The following DOT1L variants were observed in gnomAD, a reference collection of about 807,000 sequenced individuals.
DOT1L encodes DOT1 like histone lysine methyltransferase, also known as histone-lysine N-methyltransferase, H3 lysine-79 specific.
DOT1L carries 33 observed loss-of-function variants against 153.3 expected under a neutral mutation model. The ratio of observed to expected loss-of-function variants is 0.22; its 90% CI spans 0.16 to 0.29. The LOEUF (loss-of-function observed/expected upper bound fraction) is 0.29, where lower values mean the gene tolerates loss of function less well. DOT1L is among the 10% of genes least tolerant of loss of function. DOT1L has a pLI of 1.00. For synonymous variants in DOT1L, 1,135 were observed against 965.1 expected, an observed-to-expected ratio of 1.18 and a Z score of -3.26; for missense variants, 1,847 against 2,119.9, an observed-to-expected ratio of 0.87 and a Z score of 2.53.
At chr19:2,199,972 G>A in intron 8 of DOT1L, 33 bp downstream of exon 8, 1 of 1,610,112 alleles carries the variant, frequency 6.2e-7, no homozygotes, top group East Asian at 2.2e-5. Context: ...AGGGCATGTG[G>A]GGTGTGCGCT....
rs2022903215 is a variant in DOT1L at position 2,193,921 on chromosome 19, G to A, written c.588+138G>A. The A allele has an allele frequency of 1.1e-6, 1 of 881,616 alleles. No homozygotes were observed. Among genetic ancestry groups the A allele is most frequent in the African/African-American group, 1.7e-5 (1 of 60,018 alleles). 54.6% of individuals were successfully genotyped at this position (881,616 alleles called of 1,614,324 possible). A position where few individuals can be genotyped will look rare whatever the true frequency, so the allele number is the denominator to read the frequency against. ...TTTCCAGGCCCAAGACGTCTTGGTT[G>A]CCTGCAGCGTGTGCCTGTGAATAGG... is the stretch of plus-strand genomic sequence containing the variant. On this transcript the variant is annotated intron_variant, in intron 6 of 27. Coordinates refer to ENST00000398665, the MANE Select transcript of DOT1L (RefSeq NM_032482.3). The surrounding 1 kb of genome is among the most constrained non-coding windows in gnomAD (Gnocchi z 5.9).
intron 7 of DOT1L, among the ~76,000 whole-genome samples, chr19:2,196,051 C>T (rs2023005182): frequency 6.6e-6 from 1 of 152,274 alleles, no homozygotes; most frequent in South Asian, 2.1e-4. Context: ...GGCCTGTCAG[C>T]CAGGGCCTTC....
chr19:2,205,719 G>A (rs2023466650), intron 9 of DOT1L, among the ~76,000 whole-genome samples: 1 of 151,886 alleles, frequency 6.6e-6, no homozygotes, highest in Non-Finnish European at 1.5e-5. Context: ...TTTGAGACAG[G>A]GTCTTCATCC....
Position 2,230,613 on chromosome 19 carries a change from C to G in DOT1L, c.*821C>G, listed in dbSNP as rs1381841383. 4 of 398,496 alleles carry G rather than the reference C, an allele frequency of 1.0e-5. No individual in the cohort carries two copies. The highest frequency in any genetic ancestry group is 2.1e-5 in the African/African-American group (1 of 48,628). The allele number at this position is 398,496 out of a possible 1,614,324, so 24.7% of individuals were successfully genotyped here. On this transcript the variant is annotated 3_prime_UTR_variant, in exon 28 of 28. Coordinates refer to ENST00000398665, the MANE Select transcript of DOT1L (RefSeq NM_032482.3). ...GCCTGTCGTGGGTCCCTTGGTGTTTCTGTACAGGAGAGAGTCACACTAATG... is the reference window on the plus strand; with the variant it reads ...GCCTGTCGTGGGTCCCTTGGTGTTTGTGTACAGGAGAGAGTCACACTAATG...
Position 2,208,838 on chromosome 19 carries a change from G to T in DOT1L, c.964-97G>T. On this transcript the variant is annotated intron_variant, in intron 11 of 27. Coordinates refer to ENST00000398665, the MANE Select transcript of DOT1L (RefSeq NM_032482.3). The surrounding 1 kb of genome is among the most constrained non-coding windows in gnomAD (Gnocchi z 4.4). The stretch of plus-strand genomic sequence containing the variant: ...CCCAGATACCAGAACAGCCTCCCCA[G>T]CCACTGTCCAGGTTGCTGTTGTTAC... 3 of 1,285,616 alleles carry T rather than the reference G, an allele frequency of 2.3e-6. No homozygotes were observed. Among genetic ancestry groups the T allele is most frequent in the Non-Finnish European group, 3.3e-6 (3 of 912,718 alleles). 79.6% of individuals were successfully genotyped at this position (1,285,616 alleles called of 1,614,324 possible). A position where few individuals can be genotyped will look rare whatever the true frequency, so the allele number is the denominator to read the frequency against.
Position 2,232,529 on chromosome 19 carries a change from C to T in DOT1L, c.*2737C>T, listed in dbSNP as rs1042932. 53 of 217,954 alleles carry T rather than the reference C, an allele frequency of 2.4e-4. No homozygotes were observed. Among genetic ancestry groups the T allele is most frequent in the Middle Eastern group, 1.4e-3 (1 of 708 alleles). The allele number at this position is 217,954 out of a possible 1,614,324, so 13.5% of individuals were successfully genotyped here. A position where few individuals can be genotyped will look rare whatever the true frequency, so the allele number is the denominator to read the frequency against. Reference sequence around the variant, plus strand: ...CCCTTCCTCTGGGCACCCCTGCATTCTGCATCCCCACCTCTAGACGCTGTA... The same window carrying T: ...CCCTTCCTCTGGGCACCCCTGCATTTTGCATCCCCACCTCTAGACGCTGTA... On this transcript the variant is annotated 3_prime_UTR_variant, in exon 28 of 28. Transcript: ENST00000398665.
At chr19:2,212,163 G>C (rs959252568) in intron 16 of DOT1L, 2 of 252,760 alleles carry the variant, frequency 7.9e-6, no homozygotes, top group African/African-American at 2.3e-5. Flanking sequence ...GCTGAGTACT[G>C]TGAGGTCACA....
chr19:2,215,303 C>T (rs1341868426), intron 19 of DOT1L, among the ~76,000 whole-genome samples: 7 of 152,194 alleles, frequency 4.6e-5, no homozygotes, highest in African/African-American at 1.2e-4. Context: ...CACCGAGAAA[C>T]GCATTCGTGG....
intron 1 of DOT1L, among the ~76,000 whole-genome samples, chr19:2,180,210 C>CT (rs2022163606): frequency 6.6e-6 from 1 of 152,176 alleles, no homozygotes; most frequent in African/African-American, 2.4e-5. Context: ...CGTGGAGGCT[C>CT]TATCACCTGC....
chr19:2,215,279 C>T (rs1253922205), intron 19 of DOT1L, among the ~76,000 whole-genome samples: 1 of 152,086 alleles, frequency 6.6e-6, no homozygotes, highest in Non-Finnish European at 1.5e-5. Context: ...AATAAAATAG[C>T]TTGTACTTTC....
chr19:2,226,208 C>T lies in DOT1L; in HGVS notation c.3687C>T (p.Pro1229=), dbSNP rs370280861. The T allele has an allele frequency of 5.9e-6, 9 of 1,523,414 alleles. No individual in the cohort carries two copies. The highest frequency in any genetic ancestry group is 1.7e-4 in the Middle Eastern group (1 of 5,734). 94.4% of individuals were successfully genotyped at this position (1,523,414 alleles called of 1,614,324 possible). The change falls in exon 27 of 28, where the codon CCC becomes CCT. Residue 1229 remains proline (P), a synonymous_variant. Transcript: ENST00000398665. ...ENGGGLAGRK[P]APAGEPVNSS... ...GTGGTGGCTTGGCGGGAAGGAAGCC[C>T]GCGCCCGCCGGCGAGCCAGTCAATA...
intron 16 of DOT1L, 193 bp downstream of exon 16, chr19:2,212,035 G>A (rs996869422): frequency 2.3e-5 from 13 of 577,308 alleles, no homozygotes; most frequent in Middle Eastern, 4.5e-4. Context: ...GGAAAACAGC[G>A]AAAATGAGAC....
intron 22 of DOT1L, among the ~76,000 whole-genome samples, chr19:2,219,116 C>T (rs1323072630): frequency 6.6e-6 from 1 of 152,208 alleles, no homozygotes; most frequent in African/African-American, 2.4e-5. Context: ...AGGTGATCTG[C>T]CCACCTCAGC....
chr19:2,221,791 C>A, intron 23 of DOT1L, 185 bp from the exon 24 acceptor site: 1 of 638,262 alleles, frequency 1.6e-6, no homozygotes, highest in East Asian at 2.7e-5. Flanking sequence ...CAGCCCTGAG[C>A]CTTGAGCTTG....
intron 27 of DOT1L, chr19:2,227,917 C>T (rs1231667609): frequency 6.6e-6 from 8 of 1,209,966 alleles, no homozygotes; most frequent in African/African-American, 3.3e-5. Context: ...CCTCCGCCTC[C>T]GCCTCCGCCT....
In DOT1L at chr19:2,189,768, C is replaced by T. The variant is rs1231272654; in HGVS notation, c.237C>T (p.Asn79=). ...TGCAGAGGCTCTGCGACAAGTACAA[C>T]CGTGCCATCGACAGCATCCACCAGC... ...ESMQRLCDKY[N]RAIDSIHQLW... The change falls in exon 4 of 28, where the codon AAC becomes AAT. Residue 79 remains asparagine (N), a synonymous_variant. Coordinates refer to ENST00000398665, the MANE Select transcript of DOT1L (RefSeq NM_032482.3). The T allele has an allele frequency of 6.2e-7, 1 of 1,612,124 alleles. No individual in the cohort carries two copies. Among genetic ancestry groups the T allele is most frequent in the South Asian group, 1.1e-5 (1 of 91,086 alleles).
At chr19:2,194,733 C>A (rs574142360) in intron 7 of DOT1L, among the ~76,000 whole-genome samples, 156 bp downstream of exon 7, 1 of 151,766 alleles carries the variant, frequency 6.6e-6, no homozygotes, top group East Asian at 1.9e-4. Flanking sequence ...GCTGCCTGGG[C>A]GTGGCGTCTG....
rs111741571 is a variant in DOT1L at position 2,214,188 on chromosome 19, C to A, written c.1797+202C>A. Reference sequence around the variant, plus strand: ...GCCCCTCGGCTGGATGGTTTCTCAGCGGCCCTGGGTGTCATGGAGCCACAC... The same window carrying A: ...GCCCCTCGGCTGGATGGTTTCTCAGAGGCCCTGGGTGTCATGGAGCCACAC... On this transcript the variant is annotated intron_variant, in intron 18 of 27. Transcript: ENST00000398665. 251 of 978,042 alleles carry A rather than the reference C, an allele frequency of 2.6e-4. 3 individuals carry two copies. In the South Asian group the frequency reaches 3.3e-3, roughly 13 times the overall value. The allele number at this position is 978,042 out of a possible 1,614,324, so 60.6% of individuals were successfully genotyped here.
chr19:2,222,374 G>C lies in DOT1L; in HGVS notation c.3205G>C (p.Ala1069Pro), dbSNP rs2024152972. ...SPSSKHSPLT[A>P]SARGDCVPSH... Reference sequence around the variant, plus strand: ...CTCCAGCAAGCACAGCCCCCTGACCGCCAGCGCCCGTGGGGACTGTGTGCC... The same window carrying C: ...CTCCAGCAAGCACAGCCCCCTGACCCCCAGCGCCCGTGGGGACTGTGTGCC... The change falls in exon 24 of 28, where the codon GCC (alanine) becomes CCC (proline). Residue 1069 changes from alanine (A) to proline (P), a missense_variant. By Grantham distance (27) the Ala-to-Pro change is conservative. Transcript: ENST00000398665. This position sits in a 1 kb window ranked among gnomAD's most constrained non-coding sequence, Gnocchi z 6.5. 3 of 1,611,470 alleles carry C rather than the reference G, an allele frequency of 1.9e-6. No homozygotes were observed. The East Asian group carries it at 6.7e-5, about 36-fold the overall frequency.
Sources: allele counts gnomAD v4.1 joint callset (sites outside exome capture counted in the v4.1 genomes callset), GRCh38; gene constraint gnomAD v4.1.1; non-coding constraint Gnocchi (gnomAD v3.1); transcripts MANE v1.5; gene names NCBI Gene and HGNC (gene_info 2026-07-23, HGNC 2026-07-21).